TMPRSS13: variants seen among roughly 807,000 people sequenced by gnomAD.
TMPRSS13 encodes transmembrane serine protease 13.
TMPRSS13 carries 50 observed loss-of-function variants against 68.4 expected under a neutral mutation model. The observed-to-expected ratio is 0.73, with a 90% confidence interval of 0.58 to 0.93. TMPRSS13 has a LOEUF of 0.93. TMPRSS13 is among the 40% of genes least tolerant of loss of function. The pLI, the probability that TMPRSS13 is intolerant of heterozygous loss-of-function variation, is 0.00. For synonymous variants in TMPRSS13, 267 were observed against 285.8 expected (o/e 0.93, Z 0.66); for missense variants, 615 against 729.2 (o/e 0.84, Z 1.80).
rs58001868 is a variant in TMPRSS13, at chr11:117,904,861, TTA to T, written c.1382-762_1382-761del. 2.7e-3 allele frequency among the ~76,000 whole-genome samples: 270 copies of T among 100,594 alleles called. 1 individual carries two copies. Among genetic ancestry groups the T allele is most frequent in the African/African-American group, 5.9e-3 (168 of 28,696 alleles). The allele number at this position is 100,594 out of a possible 152,430, so 66.0% of individuals were successfully genotyped here. ...TACCACTTAGAGCTCCTAGATAAGA[TTA>T]TATATATATATATATATATATATAT... is the stretch of plus-strand genomic sequence containing the variant. On this transcript the variant is annotated intron_variant, in intron 10 of 12. Coordinates refer to ENST00000524993, the MANE Select transcript of TMPRSS13 (RefSeq NM_001077263.3).
chr11:117,907,847 G>A, intron 9 of TMPRSS13: 10 of 985,388 alleles, frequency 1.0e-5, no homozygotes, highest in Non-Finnish European at 1.2e-5. Flanking sequence ...TATAGGGCTG[G>A]CCATATAGTA....
intron 1 of TMPRSS13, among the ~76,000 whole-genome samples, chr11:117,924,037 T>C (rs1250851544): frequency 1.3e-5 from 2 of 151,376 alleles, no homozygotes; most frequent in Non-Finnish European, 2.9e-5. Flanking sequence ...GCTGTCAGAG[T>C]TGCAAAGATT....
intron 8 of TMPRSS13, among the ~76,000 whole-genome samples, chr11:117,909,488 G>T (rs1227760189): frequency 1.3e-5 from 2 of 152,248 alleles, no homozygotes; most frequent in African/African-American, 4.8e-5. Context: ...TTTGCAGGAA[G>T]CAGCAACAAA....
At chr11:117,924,577 C>G (rs2057684193) in intron 1 of TMPRSS13, among the ~76,000 whole-genome samples, 1 of 152,210 alleles carries the variant, frequency 6.6e-6, no homozygotes, top group Non-Finnish European at 1.5e-5. Flanking sequence ...TGAGAAAGAT[C>G]AGGATCTCCC....
chr11:117,908,190 C>T, intron 9 of TMPRSS13: 1 of 575,924 alleles, frequency 1.7e-6, no homozygotes, highest in Non-Finnish European at 2.6e-6. Context: ...CTCTGTAAAG[C>T]TCCATTTCCT....
chr11:117,913,655 G>A, intron 5 of TMPRSS13, 122 bp downstream of exon 5: 1 of 1,285,216 alleles, frequency 7.8e-7, no homozygotes, highest in Non-Finnish European at 1.1e-6. Flanking sequence ...CAGAGCTAGT[G>A]AGATCAGCCC....
At position 117,926,452 on chromosome 11, in the gene TMPRSS13, C is replaced by T. The variant is rs148427288; in HGVS notation, c.21+2835G>A. On this transcript the variant is annotated intron_variant, in intron 1 of 12. Coordinates refer to ENST00000524993, the MANE Select transcript of TMPRSS13 (RefSeq NM_001077263.3). ...CCTGGACCAGCGGTGGGCCCCCAGA[C>T]GGTTCTCACCAATCCCTAGCACCTG... is the stretch of plus-strand genomic sequence containing the variant. 1.4e-4 allele frequency among the ~76,000 whole-genome samples: 22 copies of T among 152,310 alleles called. No individual in the cohort carries two copies. The South Asian group carries it at 1.9e-3, about 13-fold the overall frequency.
chr11:117,908,099 AG>A, intron 9 of TMPRSS13: 1 of 906,076 alleles, frequency 1.1e-6, no homozygotes. Context: ...CCAGGTGGGG[AG>A]AGCACTGCTT....
In TMPRSS13 at chr11:117,905,631, C is replaced by T. The variant is rs2057457018; in HGVS notation, c.1381+7G>A. 2 of 1,590,826 alleles carry T rather than the reference C, an allele frequency of 1.3e-6. No individual in the cohort carries two copies. The highest frequency in any genetic ancestry group is 2.3e-5 in the East Asian group (1 of 44,394). The stretch of plus-strand genomic sequence containing the variant: ...CATACACACAACCAAGCATCTTTGC[C>T]TCTTACCATCTGTCTCCCTGGTCTT... On this transcript the variant is annotated splice_region_variant and intron_variant, in intron 10 of 12. Transcript: ENST00000524993.
intron 5 of TMPRSS13, 54 bp downstream of exon 5, chr11:117,913,723 G>A: frequency 6.3e-7 from 1 of 1,597,594 alleles, no homozygotes; most frequent in Non-Finnish European, 8.5e-7. Context: ...GACACCCTAT[G>A]AAGAGCCTGA....
chr11:117,905,788 T>G, intron 9 of TMPRSS13, 52 bp from the exon 10 acceptor site: 2 of 1,447,078 alleles, frequency 1.4e-6, no homozygotes. Flanking sequence ...AGACTTTCAG[T>G]AGGGGGAGGG....
intron 10 of TMPRSS13, 122 bp from the exon 11 acceptor site, chr11:117,904,223 C>T (rs1244532066): frequency 2.7e-5 from 37 of 1,348,866 alleles, no homozygotes; most frequent in Admixed American, 4.8e-5. Context: ...ATGGAGGGTG[C>T]CATGCCCGTG....
chr11:117,918,956 C>A, intron 1 of TMPRSS13, 118 bp from the exon 2 acceptor site: 6 of 1,388,374 alleles, frequency 4.3e-6, no homozygotes, highest in Non-Finnish European at 4.9e-6. Context: ...TTGAGCAAAG[C>A]CCCCCGGACA....
At chr11:117,905,540 C>A (rs2057456100) in intron 10 of TMPRSS13, 98 bp downstream of exon 10, 5 of 1,055,758 alleles carry the variant, frequency 4.7e-6, no homozygotes, top group Non-Finnish European at 6.9e-6. Context: ...CGACATAGGC[C>A]TTCATCTGTA....
At chr11:117,917,322 G>T (rs750286931) in intron 2 of TMPRSS13, 48 bp from the exon 3 acceptor site, 4 of 1,449,550 alleles carry the variant, frequency 2.8e-6, no homozygotes, top group South Asian at 1.2e-5. Context: ...AGAGGAGTCC[G>T]ACGAGATGGA....
In TMPRSS13 at chr11:117,914,583, G is replaced by T. The variant is rs2057556687; in HGVS notation, c.557-69C>A. ...TGAGATGAGACACTGAGCAGCCCAA[G>T]GACCTGGGGGTTCTGAGACACCGAC... On this transcript the variant is annotated intron_variant, in intron 3 of 12. Coordinates refer to ENST00000524993, the MANE Select transcript of TMPRSS13 (RefSeq NM_001077263.3). This position sits in a 1 kb window ranked among gnomAD's most constrained non-coding sequence, Gnocchi z 4.2. The T allele has an allele frequency of 6.3e-7, 1 of 1,595,586 alleles. No homozygotes were observed. Among genetic ancestry groups the T allele is most frequent in the Non-Finnish European group, 8.5e-7 (1 of 1,173,366 alleles).
chr11:117,909,077 A>G (rs2057494136), intron 8 of TMPRSS13, among the ~76,000 whole-genome samples: 1 of 151,978 alleles, frequency 6.6e-6, no homozygotes, highest in African/African-American at 2.4e-5. Context: ...GTCACCAAGG[A>G]TCAAATAGGA....
Position 117,914,664 on chromosome 11 carries a change from G to T in TMPRSS13, c.557-150C>A. 5 of 1,426,746 alleles carry T rather than the reference G, an allele frequency of 3.5e-6. No homozygotes were observed. The highest frequency in any genetic ancestry group is 2.7e-5 in the South Asian group (2 of 73,668). 88.4% of individuals were successfully genotyped at this position (1,426,746 alleles called of 1,614,324 possible). On this transcript the variant is annotated intron_variant, in intron 3 of 12. Coordinates refer to ENST00000524993, the MANE Select transcript of TMPRSS13 (RefSeq NM_001077263.3). This position sits in a 1 kb window ranked among gnomAD's most constrained non-coding sequence, Gnocchi z 4.2. ...ATCCCCCATCTGTATGGAGAGAAAG[G>T]CTGCTCAGGAATGCTCCAGAATGCT... is the stretch of plus-strand genomic sequence containing the variant.
chr11:117,913,260 G>A (rs1474056320), intron 5 of TMPRSS13, among the ~76,000 whole-genome samples: 1 of 152,182 alleles, frequency 6.6e-6, no homozygotes, highest in African/African-American at 2.4e-5. Flanking sequence ...TGTTAGCACT[G>A]CCTGATTTGT....
Sources: gnomAD v4.1 joint callset for allele counts (sites outside exome capture counted in the v4.1 genomes callset) on GRCh38, gnomAD v4.1.1 for gene constraint, Gnocchi (gnomAD v3.1) non-coding constraint, MANE v1.5 for transcripts, NCBI Gene and HGNC (gene_info 2026-07-23, HGNC 2026-07-21) for gene names.